CACHD1: variants seen among roughly 807,000 people sequenced by gnomAD.
The protein encoded by CACHD1 is VWFA and cache domain-containing protein 1.
CACHD1 carries 71 observed loss-of-function variants against 138.7 expected under a neutral mutation model. The observed-to-expected ratio is 0.51, with a 90% confidence interval of 0.42 to 0.62. The LOEUF (loss-of-function observed/expected upper bound fraction) is 0.62. CACHD1 is among the 20% of genes least tolerant of loss of function. CACHD1 has a pLI of 0.00. For synonymous variants in CACHD1, 578 were observed against 591.5 expected, an observed-to-expected ratio of 0.98 and a Z score of 0.33; for missense variants, 1,389 against 1,625.3, an observed-to-expected ratio of 0.85 and a Z score of 2.50.
At chr1:64,689,066 C>T (rs1381810895) in intron 26 of CACHD1, among the ~76,000 whole-genome samples, 1 of 152,166 alleles carries the variant, frequency 6.6e-6, no homozygotes, top group African/African-American at 2.4e-5. Flanking sequence ...TCCTGTCCAG[C>T]CTCTAGCCTG....
In CACHD1 at chr1:64,605,707, G is replaced by C. The variant is rs1254807553; in HGVS notation, c.517+2795G>C. Among the ~76,000 whole-genome samples, 4 of 152,166 alleles carry C rather than the reference G, an allele frequency of 2.6e-5. No individual in the cohort carries two copies. In the East Asian group the frequency reaches 7.7e-4, roughly 29 times the overall value. ...CCTGCCAAGACCACCCACATCAGTG[G>C]GTCGGTCAGATCTTGGAGGATCTGG... On this transcript the variant is annotated intron_variant, in intron 4 of 26. Coordinates refer to ENST00000651257, the MANE Select transcript of CACHD1 (RefSeq NM_020925.4).
intron 5 of CACHD1, 58 bp downstream of exon 5, chr1:64,629,539 A>T: frequency 6.4e-7 from 1 of 1,562,810 alleles, no homozygotes; most frequent in Non-Finnish European, 8.7e-7. Context: ...TCTACATGAA[A>T]TATAAAACTT....
chr1:64,480,886 C>CTTTTTTTTTTTTTTTTTTTTTT (rs530847374), intron 1 of CACHD1, among the ~76,000 whole-genome samples: 4 of 140,586 alleles, frequency 2.8e-5, no homozygotes, highest in African/African-American at 1.1e-4. Flanking sequence ...CTCTCTCTCC[C>CTTTTTTTTTTTTTTTTTTTTTT]TTTTTTTTTT....
chr1:64,558,435 T>C (rs569875052), intron 2 of CACHD1, among the ~76,000 whole-genome samples: 1 of 152,238 alleles, frequency 6.6e-6, no homozygotes, highest in Non-Finnish European at 1.5e-5. Flanking sequence ...CTTGCTTCCA[T>C]GCTCCTGATT....
chr1:64,570,906 AT>A (rs1177940387), intron 2 of CACHD1, among the ~76,000 whole-genome samples: 3 of 151,770 alleles, frequency 2.0e-5, no homozygotes, highest in Non-Finnish European at 2.9e-5. Context: ...GGCTTAAAAA[AT>A]TTTTTTTCCC....
intron 2 of CACHD1, among the ~76,000 whole-genome samples, chr1:64,563,480 A>G (rs572215639): frequency 2.0e-5 from 3 of 152,346 alleles, no homozygotes; most frequent in African/African-American, 4.8e-5. Flanking sequence ...ATGAAATTCT[A>G]TCCTTTTGTT....
At chr1:64,523,363 AAAT>A (rs200281081) in intron 1 of CACHD1, among the ~76,000 whole-genome samples, 6,906 of 151,990 alleles carry the variant, frequency 0.045, 250 homozygotes, top group Admixed American at 0.13. Context: ...CATAGTTAAA[AAAT>A]AAGTTTTCTA....
intron 1 of CACHD1, among the ~76,000 whole-genome samples, chr1:64,542,696 C>G (rs998016329): frequency 1.8e-4 from 28 of 152,164 alleles, no homozygotes; most frequent in Admixed American, 1.7e-3. Context: ...CTAGGTGTTA[C>G]GTAAGTTTTC....
intron 1 of CACHD1, among the ~76,000 whole-genome samples, chr1:64,519,003 A>G (rs1388374473): frequency 6.6e-6 from 1 of 152,144 alleles, no homozygotes; most frequent in Non-Finnish European, 1.5e-5. Context: ...CCCTCACAAT[A>G]CCTTGAATTT....
At chr1:64,529,164 T>G (rs1646562892) in intron 1 of CACHD1, among the ~76,000 whole-genome samples, 1 of 152,198 alleles carries the variant, frequency 6.6e-6, no homozygotes, top group Admixed American at 6.5e-5. Context: ...TTGAAACTCC[T>G]TTTCTAAGAG....
intron 4 of CACHD1, 110 bp from the exon 5 acceptor site, chr1:64,629,245 T>A: frequency 1.7e-6 from 2 of 1,187,026 alleles, no homozygotes; most frequent in Non-Finnish European, 2.4e-6. Context: ...TTGTATCTAG[T>A]GGGATTTCTT....
intron 1 of CACHD1, among the ~76,000 whole-genome samples, chr1:64,477,844 C>T (rs1354657177): frequency 1.3e-5 from 2 of 150,490 alleles, no homozygotes; most frequent in African/African-American, 4.9e-5. Flanking sequence ...CCTTGTTAGC[C>T]AGGATGGTCT....
Position 64,629,362 on chromosome 1 carries a change from A to G in CACHD1, c.525A>G (p.Ala175=). 1 of 1,613,986 alleles carries G rather than the reference A, an allele frequency of 6.2e-7. No individual in the cohort carries two copies. Among genetic ancestry groups the G allele is most frequent in the South Asian group, 1.1e-5 (1 of 91,048 alleles). ...NPGRDLNSVL[A]DNLKSNPGIK... Reference sequence around the variant, plus strand: ...TTTTCCTTACACCTCTAGTTCTTGCAGACAACCTGAAATCCAACCCTGGAA... The same window carrying G: ...TTTTCCTTACACCTCTAGTTCTTGCGGACAACCTGAAATCCAACCCTGGAA... The change falls in exon 5 of 27, where the codon GCA becomes GCG. Residue 175 remains alanine, a synonymous_variant. Coordinates refer to ENST00000651257, the MANE Select transcript of CACHD1 (RefSeq NM_020925.4).
chr1:64,645,723 T>A (rs1309408056), intron 8 of CACHD1, among the ~76,000 whole-genome samples: 1 of 152,100 alleles, frequency 6.6e-6, no homozygotes, highest in African/African-American at 2.4e-5. Context: ...CCAGCCCCCG[T>A]GCATGCTCAG....
intron 26 of CACHD1, among the ~76,000 whole-genome samples, chr1:64,683,782 A>G (rs1311992512): frequency 6.6e-6 from 1 of 152,226 alleles, no homozygotes; most frequent in Non-Finnish European, 1.5e-5. Flanking sequence ...TTCCAAATGC[A>G]TCATAAAATC....
intron 26 of CACHD1, among the ~76,000 whole-genome samples, chr1:64,685,318 A>G (rs1449655535): frequency 6.6e-6 from 1 of 152,214 alleles, no homozygotes; most frequent in Non-Finnish European, 1.5e-5. Context: ...AGTAGGCTGT[A>G]TCATCTAGGT....
At chr1:64,530,004 A>G (rs1415968826) in intron 1 of CACHD1, among the ~76,000 whole-genome samples, 3 of 152,240 alleles carry the variant, frequency 2.0e-5, no homozygotes, top group Non-Finnish European at 4.4e-5. Flanking sequence ...TTCATAGCTA[A>G]CACTGATGAT....
chr1:64,471,391 C>T (rs1646143363), intron 1 of CACHD1, among the ~76,000 whole-genome samples: 2 of 152,240 alleles, frequency 1.3e-5, no homozygotes, highest in Admixed American at 1.3e-4. Context: ...AAGTCCCCAC[C>T]CCACCCCCTT....
intron 4 of CACHD1, among the ~76,000 whole-genome samples, chr1:64,622,644 G>A (rs111439129): frequency 0.018 from 2,763 of 152,206 alleles, 98 homozygotes; most frequent in Admixed American, 0.11. Context: ...TCTTAATACG[G>A]AAGTACTATA....
Sources: allele counts gnomAD v4.1 joint callset (sites outside exome capture counted in the v4.1 genomes callset), GRCh38; gene constraint gnomAD v4.1.1; transcripts MANE v1.5; gene names NCBI Gene and HGNC (gene_info 2026-07-23, HGNC 2026-07-21).